Variants in PTPRZ1 observed in about 807,000 individuals in gnomAD.
PTPRZ1 encodes receptor-type tyrosine-protein phosphatase zeta.
In PTPRZ1, 82 loss-of-function variants were observed where a neutral mutation model predicts 214.1. The observed-to-expected ratio is 0.38, with a 90% CI of 0.32 to 0.46. The LOEUF (loss-of-function observed/expected upper bound fraction) is 0.46. Ranked by LOEUF, PTPRZ1 falls within the 20% of genes least tolerant of loss-of-function variation. PTPRZ1 has a pLI of 1.00. For synonymous variants in PTPRZ1, 945 were observed against 987.9 expected, an observed-to-expected ratio of 0.96 and a Z score of 0.81; for missense variants, 2,603 against 2,748.7, an observed-to-expected ratio of 0.95 and a Z score of 1.19.
chr7:122,042,703 A>C lies in PTPRZ1; in HGVS notation c.5897A>C (p.Lys1966Thr), dbSNP rs1041801196. Residue 1966 changes from lysine (K) to threonine (T), a missense_variant, in exon 22 of 30, where the codon AAA becomes ACA. Around this residue, in one of 6 missense-constraint regions of PTPRZ1, gnomAD observed 1,913 missense variants for 1,914.3 expected, o/e 1.00. Coordinates refer to ENST00000393386, the MANE Select transcript of PTPRZ1 (RefSeq NM_002851.3). ...EGTVNIFGFL[K>T]HIRSQRNYLV... is the part of the protein sequence containing the mutation. ...ACTGTCAACATATTTGGCTTCTTAA[A>C]ACACATCCGTTCACAAAGAAATTAT... 4 of 1,613,218 alleles carry C rather than the reference A, an allele frequency of 2.5e-6. No homozygotes were observed. In the African/African-American group the frequency reaches 5.3e-5, roughly 22 times the overall value.
At chr7:121,928,972 G>C (rs1795846082) in intron 2 of PTPRZ1, among the ~76,000 whole-genome samples, 1 of 152,176 alleles carries the variant, frequency 6.6e-6, no homozygotes, top group South Asian at 2.1e-4. Context: ...AACTTGGGTT[G>C]ATAAGATAAA....
At chr7:121,890,882 T>G (rs570103936) in intron 1 of PTPRZ1, among the ~76,000 whole-genome samples, 1 of 152,052 alleles carries the variant, frequency 6.6e-6, no homozygotes, top group Middle Eastern at 3.4e-3. Flanking sequence ...TTATCTATGT[T>G]GTCTGGGCTA....
intron 8 of PTPRZ1, among the ~76,000 whole-genome samples, chr7:121,993,328 G>A (rs1798028508): frequency 6.6e-6 from 1 of 151,556 alleles, no homozygotes; most frequent in Non-Finnish European, 1.5e-5. Context: ...GAGGTGAGAG[G>A]ATCACGAGGT....
chr7:121,988,483 G>A (rs1797838258), intron 8 of PTPRZ1, among the ~76,000 whole-genome samples: 1 of 152,124 alleles, frequency 6.6e-6, no homozygotes, highest in African/African-American at 2.4e-5. Flanking sequence ...TGCGTATAGG[G>A]CCTTTCTGAT....
At chr7:121,944,027 A>C (rs1171325311) in intron 2 of PTPRZ1, among the ~76,000 whole-genome samples, 1 of 152,252 alleles carries the variant, frequency 6.6e-6, no homozygotes, top group Non-Finnish European at 1.5e-5. Flanking sequence ...AACAACATTG[A>C]AAATGCTATT....
intron 8 of PTPRZ1, among the ~76,000 whole-genome samples, chr7:121,987,670 A>C (rs1797799472): frequency 6.6e-6 from 1 of 152,148 alleles, no homozygotes; most frequent in Non-Finnish European, 1.5e-5. Flanking sequence ...GATGGTGAGT[A>C]GTTTTTCATA....
intron 8 of PTPRZ1, among the ~76,000 whole-genome samples, chr7:121,984,687 T>C (rs547624171): frequency 1.3e-5 from 2 of 152,254 alleles, no homozygotes; most frequent in South Asian, 2.1e-4. Flanking sequence ...AAGAAGTGAA[T>C]CTTCTTCCCA....
chr7:122,018,004 C>T (rs192959129), intron 12 of PTPRZ1, among the ~76,000 whole-genome samples: 27 of 152,198 alleles, frequency 1.8e-4, no homozygotes, highest in African/African-American at 5.5e-4. Context: ...TATATGTGCA[C>T]TTATATTAGT....
rs202053734 is a variant in PTPRZ1, at chr7:122,011,243, A to G, written c.2197A>G (p.Arg733Gly). 1.1e-5 allele frequency: 17 copies of G among 1,614,018 alleles called. No individual in the cohort carries two copies. Among genetic ancestry groups the G allele is most frequent in the Non-Finnish European group, 9.3e-6 (11 of 1,179,956 alleles). ...ACCTCATGCTTTTACCCCATCCTCC[A>G]GACAACAGGATTTGGTCTCCACGGT... ...VTPHAFTPSS[R>G]QQDLVSTVNV... The change falls in exon 12 of 30, where the codon AGA (arginine) becomes GGA (glycine). Residue 733 changes from arginine (R) to glycine (G), a missense_variant. Physicochemically the swap from Arg to Gly is moderately radical, Grantham distance 125. This residue lies in a region of PTPRZ1 where 1,913 missense variants were observed against 1,914.3 expected (regional missense o/e 1.00). Coordinates refer to ENST00000393386, the MANE Select transcript of PTPRZ1 (RefSeq NM_002851.3).
Position 122,010,383 on chromosome 7 carries a change from G to A in PTPRZ1, c.1337G>A (p.Gly446Asp), listed in dbSNP as rs1798609560. Reference protein sequence around the residue: ...DIEEGAIVNPGRDSATNQIRK... With the variant: ...DIEEGAIVNPDRDSATNQIRK... ...GAAGAAGGCGCTATTGTGAATCCTG[G>A]TAGAGACAGTGCTACAAACCAAATC... The change falls in exon 12 of 30, where the codon GGT becomes GAT. Residue 446 changes from glycine to aspartate, a missense_variant. Gly to Asp is a moderately conservative substitution (Grantham distance 94). Transcript: ENST00000393386. The A allele has an allele frequency of 2.5e-6, 4 of 1,613,762 alleles. No individual in the cohort carries two copies. The highest frequency in any genetic ancestry group is 3.4e-6 in the Non-Finnish European group (4 of 1,179,912).
chr7:121,983,613 G>C (rs371719967), intron 6 of PTPRZ1, 52 bp from the exon 7 acceptor site: 2 of 1,511,954 alleles, frequency 1.3e-6, no homozygotes, highest in Non-Finnish European at 1.8e-6. Flanking sequence ...GTTTTGAACA[G>C]CTAAGTTCCA....
chr7:121,955,449 G>GTTTC (rs1215415157), intron 2 of PTPRZ1, among the ~76,000 whole-genome samples: 1 of 152,014 alleles, frequency 6.6e-6, no homozygotes, highest in Non-Finnish European at 1.5e-5. Context: ...TTGTTTGTTT[G>GTTTC]TTTGTTTGTT....
At chr7:121,992,736 ACTAT>A (rs144537081) in intron 8 of PTPRZ1, among the ~76,000 whole-genome samples, 55,007 of 151,738 alleles carry the variant, frequency 0.36, 11,389 homozygotes, top group Middle Eastern at 0.49. Flanking sequence ...AGGCTGAGAC[ACTAT>A]CTTCTTCTTC....
At chr7:121,934,624 GTACAT>G (rs1796020866) in intron 2 of PTPRZ1, among the ~76,000 whole-genome samples, 1 of 151,658 alleles carries the variant, frequency 6.6e-6, no homozygotes, top group Non-Finnish European at 1.5e-5. Context: ...CTTTGAGCAA[GTACAT>G]TATGAATCCA....
intron 26 of PTPRZ1, 143 bp downstream of exon 26, chr7:122,054,181 G>T: frequency 1.2e-6 from 1 of 858,030 alleles, no homozygotes; most frequent in Non-Finnish European, 1.7e-6. Flanking sequence ...CTCTTCTGCT[G>T]TTGGGCTTGG....
At chr7:122,000,676 T>TAG (rs1798293809) in intron 10 of PTPRZ1, among the ~76,000 whole-genome samples, 1 of 96,614 alleles carries the variant, frequency 1.0e-5, no homozygotes, top group Non-Finnish European at 2.2e-5. Flanking sequence ...TATATATATA[T>TAG]ATATATATAT....
intron 11 of PTPRZ1, among the ~76,000 whole-genome samples, chr7:122,007,155 A>G (rs1248950031): frequency 1.3e-5 from 2 of 152,260 alleles, no homozygotes; most frequent in African/African-American, 4.8e-5. Context: ...AGTAGAATTA[A>G]AAATCAATGT....
chr7:122,055,459 C>A (rs1189004707), intron 27 of PTPRZ1, among the ~76,000 whole-genome samples: 1 of 149,754 alleles, frequency 6.7e-6, no homozygotes, highest in African/African-American at 2.5e-5. Context: ...TACTACCTAC[C>A]TAAACTCTCC....
At position 122,012,102 on chromosome 7, in the gene PTPRZ1, C is replaced by T. The variant is rs1209321342; in HGVS notation, c.3056C>T (p.Ser1019Phe). Residue 1019 changes from serine (S) to phenylalanine (F), a missense_variant, in exon 12 of 30, where the codon TCT becomes TTT. Physicochemically the swap from Ser to Phe is radical, Grantham distance 155. Coordinates refer to ENST00000393386, the MANE Select transcript of PTPRZ1 (RefSeq NM_002851.3). ...DTDGLTALNI[S>F]SPVSVAEFTY... The stretch of plus-strand genomic sequence containing the variant: ...GATGGGCTGACAGCCCTTAACATTT[C>T]TTCACCTGTTTCTGTAGCTGAATTT... The T allele has an allele frequency of 3.7e-6, 6 of 1,614,054 alleles. No homozygotes were observed. Among genetic ancestry groups the T allele is most frequent in the Non-Finnish European group, 4.2e-6 (5 of 1,179,900 alleles).
Sources: allele counts gnomAD v4.1 joint callset (sites outside exome capture counted in the v4.1 genomes callset), GRCh38; gene constraint gnomAD v4.1.1; regional missense constraint gnomAD v4.1.1; transcripts MANE v1.5; gene names NCBI Gene and HGNC (gene_info 2026-07-23, HGNC 2026-07-21).